The following SORCS2 variants were observed in gnomAD, a reference collection of about 807,000 sequenced individuals.
The protein encoded by SORCS2 is VPS10 domain-containing receptor SorCS2.
In SORCS2, 100 loss-of-function variants were observed where a neutral mutation model predicts 141.6. The observed-to-expected ratio is 0.71, with a 90% CI of 0.60 to 0.83. The LOEUF (loss-of-function observed/expected upper bound fraction) is 0.83. Among genes scored for constraint, SORCS2 ranks in the 40% least tolerant of loss-of-function variants. The pLI, the probability that SORCS2 is intolerant of heterozygous loss-of-function variation, is 0.00. For missense variants in SORCS2, 1,646 were observed against 1,560.2 expected, an observed-to-expected ratio of 1.05 and a Z score of -0.93; for synonymous variants, 789 against 676.9, an observed-to-expected ratio of 1.17 and a Z score of -2.57.
At chr4:7,332,877 AC>A (rs1053568248) in intron 1 of SORCS2, among the ~76,000 whole-genome samples, 3 of 152,220 alleles carry the variant, frequency 2.0e-5, no homozygotes, top group African/African-American at 7.2e-5. Flanking sequence ...CCCCAGGCTT[AC>A]GTCCCAGCTC....
intron 2 of SORCS2, among the ~76,000 whole-genome samples, chr4:7,437,377 G>T (rs947528963): frequency 5.9e-5 from 9 of 152,200 alleles, no homozygotes; most frequent in African/African-American, 1.9e-4. Flanking sequence ...CACACCCTCT[G>T]GGTGTGCCAC....
intron 10 of SORCS2, among the ~76,000 whole-genome samples, chr4:7,683,834 G>T (rs10022072): frequency 0.029 from 4,476 of 152,298 alleles, 240 homozygotes; most frequent in African/African-American, 0.1. Flanking sequence ...GTTGCCTAGA[G>T]TGGAGAATCT....
chr4:7,714,964 G>C (rs999428864), intron 16 of SORCS2, among the ~76,000 whole-genome samples: 2 of 152,120 alleles, frequency 1.3e-5, no homozygotes, highest in Non-Finnish European at 2.9e-5. Flanking sequence ...CAGCCCTCCA[G>C]GTTTCTCTGA....
At chr4:7,539,901 C>T (rs2109578954) in intron 3 of SORCS2, among the ~76,000 whole-genome samples, 1 of 150,818 alleles carries the variant, frequency 6.6e-6, no homozygotes, top group Non-Finnish European at 1.5e-5. Flanking sequence ...GCCACGCCCA[C>T]TCCCTGTTGT....
chr4:7,401,918 G>T (rs368040736), intron 2 of SORCS2, among the ~76,000 whole-genome samples: 1 of 152,130 alleles, frequency 6.6e-6, no homozygotes, highest in African/African-American at 2.4e-5. Flanking sequence ...AAGAAATCTT[G>T]AACATATCCT....
intron 1 of SORCS2, among the ~76,000 whole-genome samples, chr4:7,346,053 C>G (rs1389173295): frequency 7.9e-5 from 12 of 152,188 alleles, no homozygotes; most frequent in Admixed American, 7.9e-4. Context: ...CCATCTGTTT[C>G]ATTTATTTCT....
chr4:7,635,281 G>A (rs1284425273), intron 3 of SORCS2, among the ~76,000 whole-genome samples: 4 of 152,164 alleles, frequency 2.6e-5, no homozygotes, highest in South Asian at 2.1e-4. Context: ...TCCTGACCTC[G>A]GCTCTATCCT....
chr4:7,507,088 C>T (rs1420509295), intron 2 of SORCS2, among the ~76,000 whole-genome samples: 2 of 152,140 alleles, frequency 1.3e-5, no homozygotes, highest in Non-Finnish European at 2.9e-5. Flanking sequence ...TGGCTTCATC[C>T]AGAATTGTGG....
chr4:7,456,426 C>G (rs1231883784), intron 2 of SORCS2, among the ~76,000 whole-genome samples: 3 of 152,172 alleles, frequency 2.0e-5, no homozygotes, highest in Non-Finnish European at 2.9e-5. Context: ...TGCCCATCCA[C>G]CTTTACATGC....
intron 20 of SORCS2, among the ~76,000 whole-genome samples, chr4:7,725,801 T>C (rs1727179015): frequency 6.6e-6 from 1 of 152,030 alleles, no homozygotes; most frequent in Non-Finnish European, 1.5e-5. Flanking sequence ...GTGAAGGGCA[T>C]CCTCCACTCA....
At chr4:7,585,519 C>T (rs1228663174) in intron 3 of SORCS2, among the ~76,000 whole-genome samples, 1 of 152,204 alleles carries the variant, frequency 6.6e-6, no homozygotes, top group Non-Finnish European at 1.5e-5. Context: ...AACTGCAGAA[C>T]AAATCACAGG....
chr4:7,636,003 C>G (rs776865207), intron 3 of SORCS2, among the ~76,000 whole-genome samples: 30 of 152,224 alleles, frequency 2.0e-4, no homozygotes, highest in Non-Finnish European at 3.7e-4. Flanking sequence ...GCTCCATGAG[C>G]TTAATTGTCT....
At chr4:7,622,337 T>C (rs1170894710) in intron 3 of SORCS2, among the ~76,000 whole-genome samples, 1 of 152,208 alleles carries the variant, frequency 6.6e-6, no homozygotes, top group East Asian at 1.9e-4. Flanking sequence ...TTTGCAGGGC[T>C]CTGAAGCCTT....
At chr4:7,543,810 A>ATCCG (rs1553881844) in intron 3 of SORCS2, among the ~76,000 whole-genome samples, 4 of 19,790 alleles carry the variant, frequency 2.0e-4, no homozygotes, top group African/African-American at 3.1e-4. Context: ...CCATCCATCC[A>ATCCG]TCCATCCATC....
chr4:7,607,885 C>T (rs1291102015), intron 3 of SORCS2, among the ~76,000 whole-genome samples: 1 of 152,278 alleles, frequency 6.6e-6, no homozygotes, highest in Non-Finnish European at 1.5e-5. Flanking sequence ...GACCCCAGAG[C>T]GTCTTGGTGG....
intron 2 of SORCS2, among the ~76,000 whole-genome samples, chr4:7,517,596 C>T (rs1218060471): frequency 1.3e-5 from 2 of 152,154 alleles, no homozygotes; most frequent in Non-Finnish European, 2.9e-5. Context: ...AAAATGTTAT[C>T]ATTTTGTTCC....
chr4:7,285,113 A>G (rs1296703077), intron 1 of SORCS2, among the ~76,000 whole-genome samples: 1 of 150,978 alleles, frequency 6.6e-6, no homozygotes, highest in Non-Finnish European at 1.5e-5. Context: ...GTTCACCGCA[A>G]CCTCCACCTC....
intron 7 of SORCS2, 80 bp from the exon 8 acceptor site, chr4:7,667,044 A>G (rs1399453854): frequency 1.6e-6 from 2 of 1,249,814 alleles, no homozygotes; most frequent in Non-Finnish European, 2.3e-6. Context: ...TGCTGAATAT[A>G]ACATGTAGTT....
At chr4:7,731,577 T>A (rs1235469039) in intron 23 of SORCS2, among the ~76,000 whole-genome samples, 1 of 152,128 alleles carries the variant, frequency 6.6e-6, no homozygotes, top group East Asian at 1.9e-4. Flanking sequence ...CGTTACAAAG[T>A]TACAGTAATC....
Sources: allele counts gnomAD v4.1 joint callset (sites outside exome capture counted in the v4.1 genomes callset), GRCh38; gene constraint gnomAD v4.1.1; transcripts MANE v1.5; gene names NCBI Gene and HGNC (gene_info 2026-07-23, HGNC 2026-07-21).